RASEF: variants seen among roughly 807,000 people sequenced by gnomAD.
RASEF encodes RAS and EF-hand domain containing.
In RASEF, 68 loss-of-function variants were observed where a neutral mutation model predicts 90.1. The observed-to-expected ratio is 0.75, with a 90% CI of 0.62 to 0.92. RASEF has a LOEUF of 0.92. Ranked by LOEUF, RASEF falls within the 40% of genes least tolerant of loss-of-function variation. The probability of loss-of-function intolerance (pLI) is 0.00; values close to 1 mark genes in which losing one functional copy is unlikely to be tolerated. For synonymous variants in RASEF, 331 were observed against 345.2 expected, an observed-to-expected ratio of 0.96 and a Z score of 0.46; for missense variants, 949 against 937.2, an observed-to-expected ratio of 1.01 and a Z score of -0.16.
chr9:82,983,107 C>CCACACACACACACACACACACACACA (rs10539196), intron 16 of RASEF, among the ~76,000 whole-genome samples: 3 of 128,560 alleles, frequency 2.3e-5, no homozygotes, highest in African/African-American at 9.1e-5. Context: ...GAGTACCAGG[C>CCACACACACACACACACACACACACA]CACACACACA....
chr9:83,110,014 CTT>C, the RASEF span, among the ~76,000 whole-genome samples: 1 of 152,114 alleles, frequency 6.6e-6, no homozygotes, highest in Admixed American at 6.6e-5. Flanking sequence ...ATACTCAACT[CTT>C]ATAAGTTTAT....
At chr9:83,012,552 T>C (rs1210905729) in intron 4 of RASEF, 41 bp from the exon 5 acceptor site, 3 of 1,246,368 alleles carry the variant, frequency 2.4e-6, no homozygotes, top group Non-Finnish European at 3.4e-6. Context: ...CAAACTCACT[T>C]TGAATTGCTT....
intron 1 of RASEF, among the ~76,000 whole-genome samples, chr9:83,045,530 C>T (rs1829912632): frequency 6.6e-6 from 1 of 152,172 alleles, no homozygotes; most frequent in Non-Finnish European, 1.5e-5. Flanking sequence ...TTTTATTATC[C>T]TGAAGACAGC....
intron 3 of RASEF, among the ~76,000 whole-genome samples, chr9:83,017,533 A>G (rs1829366497): frequency 6.6e-6 from 1 of 152,154 alleles, no homozygotes; most frequent in Non-Finnish European, 1.5e-5. Context: ...CCAGAGTTCA[A>G]TAAAGGAAAT....
the RASEF span, among the ~76,000 whole-genome samples, chr9:83,147,931 T>A: frequency 6.6e-6 from 1 of 152,008 alleles, no homozygotes; most frequent in African/African-American, 2.4e-5. Context: ...ACTCAGACAC[T>A]CCTTCTCTGC....
At chr9:83,031,200 T>C (rs1163687086) in intron 1 of RASEF, among the ~76,000 whole-genome samples, 2 of 152,242 alleles carry the variant, frequency 1.3e-5, no homozygotes, top group Non-Finnish European at 2.9e-5. Flanking sequence ...GGTTTCCTAT[T>C]TGGGTATTTT....
chr9:83,005,579 C>A, intron 7 of RASEF, 79 bp from the exon 8 acceptor site: 1 of 1,053,788 alleles, frequency 9.5e-7, no homozygotes, highest in Non-Finnish European at 1.5e-6. Flanking sequence ...TCTTTTCTAG[C>A]TGTAACATTC....
chr9:83,087,127 T>A, the RASEF span, among the ~76,000 whole-genome samples: 1 of 152,216 alleles, frequency 6.6e-6, no homozygotes, highest in Admixed American at 6.5e-5. Flanking sequence ...TGTGTCTGAC[T>A]ATTAAAGGGT....
At chr9:83,183,256 G>C in the RASEF span, among the ~76,000 whole-genome samples, 2,163 of 54,638 alleles carry the variant, frequency 0.04, 41 homozygotes, top group African/African-American at 0.18. Context: ...ACAGATTTGT[G>C]TGTGTGTATA....
At chr9:82,984,127 T>C (rs946476448) in intron 16 of RASEF, among the ~76,000 whole-genome samples, 29 of 152,200 alleles carry the variant, frequency 1.9e-4, no homozygotes, top group Non-Finnish European at 1.3e-4. Flanking sequence ...ATGGGATCCA[T>C]ATATGTCAGT....
In RASEF at chr9:83,000,439, C is replaced by T. The variant is rs771982315; in HGVS notation, c.1569G>A (p.Ser523=). ...SSSRKPISAL[S]PQTDLVDDNA... ...TGTCTCGGAGACCACCTACCTGGGG[C>T]GAGAGTGCTGAGATGGGCTTTCTTG... Residue 523 remains serine (S), a synonymous_variant, in exon 11 of 17, where the codon TCG becomes TCA. Transcript: ENST00000376447. The T allele has an allele frequency of 2.0e-5, 32 of 1,613,614 alleles. No homozygotes were observed. Among genetic ancestry groups the T allele is most frequent in the South Asian group, 5.5e-5 (5 of 91,036 alleles).
chr9:83,092,095 A>G, the RASEF span, among the ~76,000 whole-genome samples: 3 of 147,430 alleles, frequency 2.0e-5, no homozygotes, highest in Non-Finnish European at 4.4e-5. Flanking sequence ...TTCTGAAAAA[A>G]GTTGATTCTG....
the RASEF span, among the ~76,000 whole-genome samples, chr9:83,093,239 G>C: frequency 3.3e-5 from 5 of 152,180 alleles, no homozygotes; most frequent in Non-Finnish European, 4.4e-5. Context: ...GGCTTCACCC[G>C]GTGGATCCCG....
the RASEF span, among the ~76,000 whole-genome samples, chr9:83,195,404 C>G: frequency 6.6e-6 from 1 of 151,948 alleles, no homozygotes; most frequent in Non-Finnish European, 1.5e-5. Context: ...AGCTGACAAT[C>G]GGGTGGGAAA....
the RASEF span, among the ~76,000 whole-genome samples, chr9:83,200,036 G>A: frequency 5.9e-5 from 9 of 152,172 alleles, no homozygotes; most frequent in Non-Finnish European, 1.0e-4. Flanking sequence ...GCTCTGTAAC[G>A]ATGACATGTG....
chr9:83,074,377 CTGT>C, the RASEF span, among the ~76,000 whole-genome samples: 9 of 152,174 alleles, frequency 5.9e-5, no homozygotes, highest in East Asian at 1.2e-3. Flanking sequence ...AATTACAAGT[CTGT>C]TGTTAGAATT....
At chr9:83,087,405 TTCTCTCTCTCTCTC>T in the RASEF span, among the ~76,000 whole-genome samples, 4 of 115,530 alleles carry the variant, frequency 3.5e-5, no homozygotes, top group Non-Finnish European at 7.2e-5. Context: ...TTCTCATTCA[TTCTCTCTCTCTCTC>T]TCTCTCTCTC....
chr9:82,980,910 G>C lies in RASEF; in HGVS notation c.*1767C>G, dbSNP rs1828586101. 1 of 152,200 alleles carries C rather than the reference G, an allele frequency of 6.6e-6. No homozygotes were observed. The highest frequency in any genetic ancestry group is 2.1e-4 in the South Asian group (1 of 4,836). The allele number at this position is 152,200 out of a possible 1,614,324, so 9.4% of individuals were successfully genotyped here. On this transcript the variant is annotated 3_prime_UTR_variant, in exon 17 of 17. Transcript: ENST00000376447. ...ATCCAACTTTCCAGCAAAAATATCA[G>C]ATGTCTTCAATAGAGAGAAGGCATG...
chr9:83,112,152 T>A, the RASEF span, among the ~76,000 whole-genome samples: 1 of 152,096 alleles, frequency 6.6e-6, no homozygotes, highest in Non-Finnish European at 1.5e-5. Context: ...TATAATAATG[T>A]AATAATGCTA....
Sources: allele counts gnomAD v4.1 joint callset (sites outside exome capture counted in the v4.1 genomes callset), GRCh38; gene constraint gnomAD v4.1.1; transcripts MANE v1.5; gene names NCBI Gene and HGNC (gene_info 2026-07-23, HGNC 2026-07-21).